Variants in CSMD1 observed in about 807,000 individuals in gnomAD.
CSMD1 encodes the protein CUB and sushi domain-containing protein 1.
In CSMD1, 213 loss-of-function variants were observed where a neutral mutation model predicts 417.5. That is an observed-to-expected ratio of 0.51 (90% CI 0.46 to 0.57). CSMD1 has a LOEUF of 0.57. Among genes scored for constraint, CSMD1 ranks in the 20% least tolerant of loss-of-function variants. The pLI is 0.00. For missense variants in CSMD1, 6,923 were observed against 4,529.7 expected (o/e 1.53, Z -15.17); for synonymous variants, 2,862 against 1,736.8 (o/e 1.65, Z -16.11).
chr8:3,287,308 C>G (rs1392221933), intron 25 of CSMD1, among the ~76,000 whole-genome samples: 1 of 151,932 alleles, frequency 6.6e-6, no homozygotes, highest in Admixed American at 6.6e-5. Flanking sequence ...TCCATATGAA[C>G]TTTAAAGTAG....
At chr8:3,949,329 G>C (rs1344941803) in intron 5 of CSMD1, among the ~76,000 whole-genome samples, 3 of 152,092 alleles carry the variant, frequency 2.0e-5, no homozygotes, top group Non-Finnish European at 4.4e-5. Context: ...AAATGTTGTA[G>C]CCTCTGACCA....
intron 1 of CSMD1, among the ~76,000 whole-genome samples, chr8:4,752,321 G>C (rs1404837579): frequency 6.6e-6 from 1 of 152,068 alleles, no homozygotes; most frequent in Non-Finnish European, 1.5e-5. Context: ...GCTTGAAATT[G>C]CTTTATGTAT....
intron 3 of CSMD1, among the ~76,000 whole-genome samples, chr8:4,370,331 C>G (rs1802325294): frequency 7.2e-6 from 1 of 138,486 alleles, no homozygotes; most frequent in African/African-American, 2.5e-5. Context: ...ATGGGGGTCC[C>G]TTTGTAAGTG....
intron 2 of CSMD1, among the ~76,000 whole-genome samples, chr8:4,592,744 T>C (rs958054108): frequency 5.3e-5 from 8 of 152,192 alleles, no homozygotes; most frequent in Non-Finnish European, 1.2e-4. Flanking sequence ...GTGCTAAATT[T>C]TTATCTACGA....
At chr8:3,386,711 T>G (rs1049520600) in intron 18 of CSMD1, among the ~76,000 whole-genome samples, 8 of 152,206 alleles carry the variant, frequency 5.3e-5, no homozygotes, top group African/African-American at 1.9e-4. Flanking sequence ...TGGAACACTG[T>G]TTTCCATAGA....
At chr8:3,157,121 C>T (rs1440230889) in intron 39 of CSMD1, among the ~76,000 whole-genome samples, 1 of 151,960 alleles carries the variant, frequency 6.6e-6, no homozygotes, top group Non-Finnish European at 1.5e-5. Context: ...AGTAACTGAC[C>T]ATGATCCTAC....
intron 3 of CSMD1, among the ~76,000 whole-genome samples, chr8:4,295,128 T>C (rs1797590636): frequency 6.8e-6 from 1 of 146,268 alleles, no homozygotes; most frequent in Admixed American, 6.9e-5. Context: ...ACATATAATC[T>C]TAAGATTATA....
rs535489247 is a variant in CSMD1, at chr8:3,250,771, G to A, written c.4154-20540C>T. 2.6e-5 allele frequency among the ~76,000 whole-genome samples: 4 copies of A among 152,278 alleles called. No individual in the cohort carries two copies. In the South Asian group the frequency reaches 8.3e-4, roughly 32 times the overall value. ...ATTGCCATTCTAACTGGTGTGAGAC[G>A]ATATCTCATTGTGGTTTTGATTTGC... is the stretch of plus-strand genomic sequence containing the variant. On this transcript the variant is annotated intron_variant, in intron 26 of 69. Transcript: ENST00000635120.
At chr8:4,600,181 G>A (rs1001853414) in intron 2 of CSMD1, among the ~76,000 whole-genome samples, 1 of 151,822 alleles carries the variant, frequency 6.6e-6, no homozygotes, top group Non-Finnish European at 1.5e-5. Flanking sequence ...GAACAGGAGT[G>A]CAAATGTCAA....
intron 1 of CSMD1, among the ~76,000 whole-genome samples, chr8:4,866,301 A>G (rs1013872614): frequency 2.0e-5 from 3 of 151,954 alleles, no homozygotes; most frequent in African/African-American, 4.8e-5. Context: ...ATATTTTATT[A>G]TCTAGTGATC....
At chr8:4,245,479 A>C (rs1299572386) in intron 3 of CSMD1, among the ~76,000 whole-genome samples, 2 of 152,132 alleles carry the variant, frequency 1.3e-5, no homozygotes, top group African/African-American at 4.8e-5. Flanking sequence ...CAGCAAACAA[A>C]AACTCTTCAT....
chr8:3,558,626 A>ACCCCATGTCGACTCCTCCAACGATGAACG (rs1563153075), intron 10 of CSMD1, among the ~76,000 whole-genome samples: 2 of 49,016 alleles, frequency 4.1e-5, no homozygotes, highest in South Asian at 6.2e-4. Flanking sequence ...AATGATGAAT[A>ACCCCATGTCGACTCCTCCAACGATGAACG]GTGCCTCAAT....
chr8:3,452,502 A>C (rs1318855842), intron 12 of CSMD1, among the ~76,000 whole-genome samples: 5 of 152,140 alleles, frequency 3.3e-5, no homozygotes, highest in African/African-American at 1.2e-4. Context: ...TCAATACCTA[A>C]TTTACTGAGA....
chr8:3,134,633 T>C (rs1004031354), intron 41 of CSMD1, among the ~76,000 whole-genome samples: 9 of 152,200 alleles, frequency 5.9e-5, no homozygotes, highest in Non-Finnish European at 8.8e-5. Context: ...GTTTAAACAT[T>C]CTTTCCCCTG....
intron 40 of CSMD1, among the ~76,000 whole-genome samples, chr8:3,151,072 C>T (rs1450244063): frequency 6.6e-6 from 1 of 152,010 alleles, no homozygotes; most frequent in African/African-American, 2.4e-5. Flanking sequence ...TATTGACTTC[C>T]AGAGATAGAT....
intron 39 of CSMD1, among the ~76,000 whole-genome samples, chr8:3,156,030 C>T (rs1000941694): frequency 6.6e-6 from 1 of 152,218 alleles, no homozygotes; most frequent in African/African-American, 2.4e-5. Context: ...GAATGTGTAA[C>T]AGACAGTAAT....
intron 2 of CSMD1, among the ~76,000 whole-genome samples, chr8:4,441,655 C>G (rs1412967516): frequency 6.6e-6 from 1 of 152,062 alleles, no homozygotes; most frequent in Non-Finnish European, 1.5e-5. Context: ...ACAGAAAAGT[C>G]ACATTTTTTT....
intron 9 of CSMD1, among the ~76,000 whole-genome samples, chr8:3,585,359 C>T (rs1179901065): frequency 6.6e-6 from 1 of 152,116 alleles, no homozygotes; most frequent in Non-Finnish European, 1.5e-5. Context: ...ATGAAGCTTT[C>T]CTTTTTAGTC....
intron 26 of CSMD1, among the ~76,000 whole-genome samples, chr8:3,234,632 C>G (rs1799042685): frequency 6.6e-6 from 1 of 152,160 alleles, no homozygotes; most frequent in South Asian, 2.1e-4. Context: ...ACAGGGAAAT[C>G]CAAGCATATT....
Sources: allele counts gnomAD v4.1 joint callset (sites outside exome capture counted in the v4.1 genomes callset), GRCh38; gene constraint gnomAD v4.1.1; transcripts MANE v1.5; gene names NCBI Gene and HGNC (gene_info 2026-07-23, HGNC 2026-07-21).